CAMK1D: variants seen among roughly 807,000 people sequenced by gnomAD.
CAMK1D encodes the protein calcium/calmodulin dependent protein kinase ID.
Under a neutral mutation model 47.7 loss-of-function variants are expected in CAMK1D, and 9 were observed. The ratio of observed to expected loss-of-function variants is 0.19; its 90% CI spans 0.11 to 0.33. CAMK1D has a LOEUF of 0.33. Among genes scored for constraint, CAMK1D ranks in the 10% least tolerant of loss-of-function variants. The pLI is 1.00. For missense variants in CAMK1D, 291 were observed against 488.7 expected (o/e 0.60, Z 3.81); for synonymous variants, 184 against 184.9 (o/e 0.99, Z 0.04).
chr10:12,379,491 G>A (rs1017596092), intron 1 of CAMK1D, among the ~76,000 whole-genome samples: 4 of 152,150 alleles, frequency 2.6e-5, no homozygotes, highest in Admixed American at 6.5e-5. Context: ...GGTGGCTAAC[G>A]CCTGTAATCC....
At chr10:12,761,167 G>T in intron 4 of CAMK1D, 81 bp downstream of exon 4, 1 of 1,515,962 alleles carries the variant, frequency 6.6e-7, no homozygotes, top group South Asian at 1.2e-5. Context: ...TGCCAGTGGG[G>T]GCATGCAGCT....
intron 3 of CAMK1D, among the ~76,000 whole-genome samples, chr10:12,691,010 A>G (rs1475328991): frequency 6.6e-6 from 1 of 152,088 alleles, no homozygotes; most frequent in Non-Finnish European, 1.5e-5. Flanking sequence ...GCGTCGTTTC[A>G]CAAAGTCAAC....
intron 3 of CAMK1D, among the ~76,000 whole-genome samples, chr10:12,742,150 T>TA (rs949837225): frequency 1.2e-4 from 18 of 152,320 alleles, no homozygotes; most frequent in African/African-American, 3.8e-4. Flanking sequence ...TGTATATATA[T>TA]TTTTAGACAG....
At chr10:12,544,258 T>A (rs756164207) in intron 1 of CAMK1D, among the ~76,000 whole-genome samples, 23 of 152,244 alleles carry the variant, frequency 1.5e-4, no homozygotes, top group Admixed American at 2.0e-4. Context: ...TGGTGTTTTT[T>A]AAATAGAATA....
intron 4 of CAMK1D, among the ~76,000 whole-genome samples, chr10:12,765,765 C>T (rs1418982744): frequency 6.6e-6 from 1 of 152,070 alleles, no homozygotes; most frequent in Non-Finnish European, 1.5e-5. Context: ...AGAGGGGTCC[C>T]AAGCGGGTTT....
intron 6 of CAMK1D, among the ~76,000 whole-genome samples, chr10:12,796,689 G>A (rs1441988052): frequency 6.6e-6 from 1 of 152,128 alleles, no homozygotes; most frequent in African/African-American, 2.4e-5. Context: ...GACTTTAATA[G>A]GGACTGTTCA....
intron 2 of CAMK1D, among the ~76,000 whole-genome samples, chr10:12,598,642 C>T (rs1364704289): frequency 6.6e-6 from 1 of 152,096 alleles, no homozygotes; most frequent in Non-Finnish European, 1.5e-5. Flanking sequence ...ACTGTCTGGG[C>T]TACAGGGATG....
intron 1 of CAMK1D, among the ~76,000 whole-genome samples, chr10:12,547,640 C>CT (rs11418193): frequency 7.4e-5 from 1 of 13,480 alleles, no homozygotes; most frequent in African/African-American, 3.6e-4. Flanking sequence ...CACGAGGACA[C>CT]CCCCCCCCCA....
intron 1 of CAMK1D, among the ~76,000 whole-genome samples, chr10:12,416,378 G>T (rs1363622270): frequency 3.9e-5 from 6 of 152,210 alleles, no homozygotes; most frequent in Admixed American, 3.9e-4. Flanking sequence ...GTCGGTGTAT[G>T]TAAAACTTTG....
chr10:12,505,859 TTCCTCC>T (rs140049789), intron 1 of CAMK1D, among the ~76,000 whole-genome samples: 13 of 151,470 alleles, frequency 8.6e-5, no homozygotes, highest in East Asian at 5.8e-4. Flanking sequence ...AGCTGTCATC[TTCCTCC>T]TCCTCCTCCT....
At chr10:12,538,166 C>T (rs751373401) in intron 1 of CAMK1D, among the ~76,000 whole-genome samples, 14 of 152,174 alleles carry the variant, frequency 9.2e-5, no homozygotes, top group Non-Finnish European at 1.3e-4. Context: ...AAAATAGACC[C>T]GCTTAGTTTA....
At chr10:12,516,275 A>G (rs1835208691) in intron 1 of CAMK1D, among the ~76,000 whole-genome samples, 1 of 151,728 alleles carries the variant, frequency 6.6e-6, no homozygotes, top group Admixed American at 6.6e-5. Flanking sequence ...CGCCTGGCTA[A>G]TTTTTGTATT....
At chr10:12,467,277 C>T (rs539455054) in intron 1 of CAMK1D, among the ~76,000 whole-genome samples, 23 of 152,100 alleles carry the variant, frequency 1.5e-4, no homozygotes, top group African/African-American at 5.5e-4. Flanking sequence ...CTCAGCCCCC[C>T]GATTAGCTGG....
At chr10:12,615,624 AGT>A (rs1194517743) in intron 2 of CAMK1D, among the ~76,000 whole-genome samples, 2 of 146,966 alleles carry the variant, frequency 1.4e-5, no homozygotes, top group South Asian at 2.1e-4. Flanking sequence ...ACGTATGTGT[AGT>A]GTGAGTGCAC....
chr10:12,464,866 T>C (rs1833545952), intron 1 of CAMK1D, among the ~76,000 whole-genome samples: 1 of 151,936 alleles, frequency 6.6e-6, no homozygotes, highest in African/African-American at 2.4e-5. Flanking sequence ...TATTTTGTTG[T>C]ATTTCATATT....
At chr10:12,617,778 A>C (rs1199094898) in intron 2 of CAMK1D, among the ~76,000 whole-genome samples, 2 of 152,230 alleles carry the variant, frequency 1.3e-5, no homozygotes, top group Admixed American at 6.5e-5. Context: ...CACAAAAGAC[A>C]TAAATGAGGT....
intron 7 of CAMK1D, 43 bp from the exon 8 acceptor site, chr10:12,816,207 A>G: frequency 6.5e-7 from 1 of 1,550,070 alleles, no homozygotes; most frequent in Non-Finnish European, 8.9e-7. Flanking sequence ...TCACATCTCA[A>G]GTCGCAAAGT....
chr10:12,626,554 A>T (rs1178017273), intron 2 of CAMK1D, among the ~76,000 whole-genome samples: 1 of 150,570 alleles, frequency 6.6e-6, no homozygotes, highest in Non-Finnish European at 1.5e-5. Context: ...GCTCACTGTA[A>T]TCTCTGCCTT....
rs576957304 is a variant in CAMK1D at position 12,377,202 on chromosome 10, T to G, written c.92+27292T>G. Among the ~76,000 whole-genome samples, 15 of 149,596 alleles carry G rather than the reference T, an allele frequency of 1.0e-4. No homozygotes were observed. The East Asian group carries it at 2.1e-3, about 21-fold the overall frequency. ...GGCAAACAAAACAAAACAAACAAAT[T>G]AAAAAAAAAATGTTCTTCCCAGTGT... is the stretch of plus-strand genomic sequence containing the variant. On this transcript the variant is annotated intron_variant, in intron 1 of 10. Transcript: ENST00000619168.
Sources: gnomAD v4.1 joint callset for allele counts (sites outside exome capture counted in the v4.1 genomes callset) on GRCh38, gnomAD v4.1.1 for gene constraint, MANE v1.5 for transcripts, NCBI Gene and HGNC (gene_info 2026-07-23, HGNC 2026-07-21) for gene names.